The following MCTP2 variants were observed in gnomAD, a reference collection of about 807,000 sequenced individuals.
MCTP2 encodes the protein multiple C2 and transmembrane domain containing 2.
MCTP2 carries 132 observed loss-of-function variants against 111.6 expected under a neutral mutation model. That is an observed-to-expected ratio of 1.18 (90% CI 1.03 to 1.37). MCTP2 has a LOEUF of 1.37. Among genes scored for constraint, MCTP2 ranks in the 40% most tolerant of loss-of-function variants. MCTP2 has a pLI of 0.00. For missense variants in MCTP2, 1,183 were observed against 1,067.9 expected (o/e 1.11, Z -1.50); for synonymous variants, 395 against 387.7 (o/e 1.02, Z -0.22).
intron 2 of MCTP2, among the ~76,000 whole-genome samples, chr15:94,302,182 G>A (rs1206703192): frequency 6.6e-6 from 1 of 152,188 alleles, no homozygotes; most frequent in African/African-American, 2.4e-5. Context: ...CTTCTCTGGT[G>A]CCAGTTGAGA....
intron 17 of MCTP2, among the ~76,000 whole-genome samples, chr15:94,407,534 T>C (rs1484221725): frequency 2.0e-5 from 3 of 152,172 alleles, no homozygotes; most frequent in Non-Finnish European, 4.4e-5. Flanking sequence ...AGAATTTACT[T>C]TTCAGAGTTG....
rs1027944777 is a variant in MCTP2, at chr15:94,304,406, C to T, written c.465+5676C>T. On this transcript the variant is annotated intron_variant, in intron 2 of 22. Transcript: ENST00000357742. ...GCAGTGGGCTGTGATTGTGCCCATG[C>T]ACTCCAGCAAGGGTGACAGGGCAAG... Among the ~76,000 whole-genome samples, 15 of 152,332 alleles carry T rather than the reference C, an allele frequency of 9.8e-5. 1 individual carries two copies. The highest frequency in any genetic ancestry group is 6.8e-3 in the Middle Eastern group (2 of 294).
rs752887156 is a variant in MCTP2, at chr15:94,476,786, T to A, written c.2561T>A (p.Val854Asp). The A allele has an allele frequency of 8.2e-6, 13 of 1,583,202 alleles. No homozygotes were observed. In the South Asian group the frequency reaches 1.3e-4, roughly 16 times the overall value. Reference protein sequence around the residue: ...LDFLSRVPSDVQKVQYAELKL... With the variant: ...LDFLSRVPSDDQKVQYAELKL... The stretch of plus-strand genomic sequence containing the variant: ...TTCCTCTCTAGGGTACCGTCTGATG[T>A]TCAAAAGGTATGTAATGAATGGTTA... The change falls in exon 22 of 23, where the codon GTT (valine) becomes GAT (aspartate). Residue 854 changes from valine to aspartate, a missense_variant. Physicochemically the swap from Val to Asp is radical, Grantham distance 152. Coordinates refer to ENST00000357742, the MANE Select transcript of MCTP2 (RefSeq NM_001385001.1).
At chr15:94,296,021 A>AT (rs570207458) in intron 1 of MCTP2, among the ~76,000 whole-genome samples, 39 of 152,054 alleles carry the variant, frequency 2.6e-4, no homozygotes, top group African/African-American at 9.4e-4. Context: ...TACATGATAC[A>AT]TTTTTTCAAG....
Position 94,384,099 on chromosome 15 carries a change from C to A in MCTP2, c.1660C>A (p.Pro554Thr), listed in dbSNP as rs752343004. The change falls in exon 13 of 23, where the codon CCT becomes ACT. Residue 554 changes from proline to threonine, a missense_variant. By Grantham distance (38) the Pro-to-Thr change is conservative. Coordinates refer to ENST00000357742, the MANE Select transcript of MCTP2 (RefSeq NM_001385001.1). ...GCATACCGTCTACAAAAACCTCAAC[C>A]CTGAATGGAACAAAGTTTTTACATT... is the stretch of plus-strand genomic sequence containing the variant. ...QTHTVYKNLN[P>T]EWNKVFTFPI... The A allele has an allele frequency of 1.9e-6, 3 of 1,613,496 alleles. No individual in the cohort carries two copies. In the African/African-American group the frequency reaches 4.0e-5, roughly 22 times the overall value.
In MCTP2 at chr15:94,243,706, C is replaced by CACATACATATGTGTAT. The variant is rs1567253433; in HGVS notation, c.-66+12047_-66+12048insCATATGTGTATACATA. ...GTATACACATACATATGCGTATATA[C>CACATACATATGTGTAT]ACATATATGTATACACATACATATG... On this transcript the variant is annotated intron_variant, in intron 1 of 22. Coordinates refer to ENST00000357742, the MANE Select transcript of MCTP2 (RefSeq NM_001385001.1). 8.0e-5 allele frequency among the ~76,000 whole-genome samples: 10 copies of CACATACATATGTGTAT among 124,522 alleles called. No homozygotes were observed. In the South Asian group the frequency reaches 2.6e-3, roughly 32 times the overall value. The allele number at this position is 124,522 out of a possible 152,430, so 81.7% of individuals were successfully genotyped here. A position where few individuals can be genotyped will look rare whatever the true frequency, so the allele number is the denominator to read the frequency against.
rs867143340 is a variant in MCTP2 at position 94,251,835 on chromosome 15, T to C, written c.-66+20171T>C. Among the ~76,000 whole-genome samples, 19 of 152,266 alleles carry C rather than the reference T, an allele frequency of 1.2e-4. 1 individual carries two copies. Among genetic ancestry groups the C allele is most frequent in the African/African-American group, 4.3e-4 (18 of 41,542 alleles). ...CTGACAGCCATCATTCTACTTTCTG[T>C]CTCCACGAATTTGACTACTTTAAGT... On this transcript the variant is annotated intron_variant, in intron 1 of 22. Coordinates refer to ENST00000357742, the MANE Select transcript of MCTP2 (RefSeq NM_001385001.1).
chr15:94,468,016 TTGACAAGGAAAAAC>T, intron 20 of MCTP2, among the ~76,000 whole-genome samples: 1 of 151,952 alleles, frequency 6.6e-6, no homozygotes. Flanking sequence ...AATCTAGACA[TTGACAAGGAAAAAC>T]TGATAAATTT....
intron 21 of MCTP2, 78 bp from the exon 22 acceptor site, chr15:94,476,602 TGACAGATAGATAGATA>T (rs922347063): frequency 4.1e-5 from 29 of 711,750 alleles, no homozygotes; most frequent in Admixed American, 1.3e-4. Flanking sequence ...GATGATTGAC[TGACAGATAGATAGATA>T]GATAGATAGA....
chr15:94,438,650 T>C (rs2083607977), intron 17 of MCTP2, among the ~76,000 whole-genome samples: 1 of 152,180 alleles, frequency 6.6e-6, no homozygotes, highest in Non-Finnish European at 1.5e-5. Context: ...CAACCATTCT[T>C]GATCTTAAAA....
chr15:94,386,598 C>T (rs563420413), intron 14 of MCTP2, among the ~76,000 whole-genome samples: 3 of 152,288 alleles, frequency 2.0e-5, no homozygotes, highest in East Asian at 1.9e-4. Context: ...CGGCACCAGC[C>T]GAGCAGCTCT....
intron 1 of MCTP2, among the ~76,000 whole-genome samples, chr15:94,293,484 T>C (rs1424731916): frequency 2.0e-5 from 3 of 152,074 alleles, no homozygotes; most frequent in Non-Finnish European, 4.4e-5. Flanking sequence ...AAATGAAAAT[T>C]AAAAACCCAG....
intron 8 of MCTP2, among the ~76,000 whole-genome samples, chr15:94,351,078 G>A (rs1363405586): frequency 6.6e-6 from 1 of 151,970 alleles, no homozygotes; most frequent in Non-Finnish European, 1.5e-5. Context: ...AGCTTTTATA[G>A]CTAATGTATT....
chr15:94,308,499 C>G (rs2075985505), intron 2 of MCTP2, among the ~76,000 whole-genome samples: 1 of 152,236 alleles, frequency 6.6e-6, no homozygotes, highest in Non-Finnish European at 1.5e-5. Context: ...CTGCTTTCCT[C>G]TTTGCCAATT....
chr15:94,282,822 G>T (rs1178103837), intron 1 of MCTP2, among the ~76,000 whole-genome samples: 12 of 152,184 alleles, frequency 7.9e-5, no homozygotes, highest in African/African-American at 2.9e-4. Context: ...GCTCAGTTTA[G>T]CACTCCTGGC....
At chr15:94,320,809 G>A (rs1027828170) in intron 4 of MCTP2, among the ~76,000 whole-genome samples, 1 of 152,174 alleles carries the variant, frequency 6.6e-6, no homozygotes, top group African/African-American at 2.4e-5. Context: ...GGAAATGGAA[G>A]CACAAAAATT....
chr15:94,448,833 C>G (rs2084274312), intron 19 of MCTP2, among the ~76,000 whole-genome samples: 1 of 152,050 alleles, frequency 6.6e-6, no homozygotes, highest in South Asian at 2.1e-4. Flanking sequence ...AAAAATAAAT[C>G]TGATTGAGAC....
Position 94,367,695 on chromosome 15 carries a change from G to T in MCTP2, c.1392G>T (p.Leu464Phe), listed in dbSNP as rs2079267662. The T allele has an allele frequency of 6.2e-7, 1 of 1,611,512 alleles. No individual in the cohort carries two copies. The highest frequency in any genetic ancestry group is 8.5e-7 in the Non-Finnish European group (1 of 1,178,922). ...GCTGTCTGGGGGCTCTCCTTATGTTGGTCACACTTACACCCTGTGCGGGGG... is the reference window on the plus strand; with the variant it reads ...GCTGTCTGGGGGCTCTCCTTATGTTTGTCACACTTACACCCTGTGCGGGGG... ...LDSCLGALLMLVTLTPCAGVS... is the reference protein window; with the variant it reads ...LDSCLGALLMFVTLTPCAGVS... The change falls in exon 11 of 23, where the codon TTG becomes TTT. Residue 464 changes from leucine to phenylalanine, a missense_variant. By Grantham distance (22) the Leu-to-Phe change is conservative. Coordinates refer to ENST00000357742, the MANE Select transcript of MCTP2 (RefSeq NM_001385001.1).
At chr15:94,409,202 G>C (rs922873902) in intron 17 of MCTP2, among the ~76,000 whole-genome samples, 3 of 152,142 alleles carry the variant, frequency 2.0e-5, no homozygotes, top group Non-Finnish European at 4.4e-5. Context: ...GCAGAAAAAT[G>C]TGAAAACAGA....
Sources: gnomAD v4.1 joint callset for allele counts (sites outside exome capture counted in the v4.1 genomes callset) on GRCh38, gnomAD v4.1.1 for gene constraint, MANE v1.5 for transcripts, NCBI Gene and HGNC (gene_info 2026-07-23, HGNC 2026-07-21) for gene names.